Variants in XXYLT1 observed in about 807,000 individuals in gnomAD.
XXYLT1 encodes xyloside xylosyltransferase 1.
In XXYLT1, 20 loss-of-function variants were observed where a neutral mutation model predicts 28.9. That is an observed-to-expected ratio of 0.69 (90% CI 0.49 to 1.00). The LOEUF is 1.00. Ranked by LOEUF, XXYLT1 falls within the 50% of genes least tolerant of loss-of-function variation. XXYLT1 has a pLI of 0.00. For synonymous variants in XXYLT1, 257 were observed against 253.8 expected (o/e 1.01, Z -0.12); for missense variants, 542 against 560.1 (o/e 0.97, Z 0.33).
chr3:195,110,264 G>GT lies in XXYLT1; in HGVS notation c.786-40154_786-40153insA, dbSNP rs1443135060. Reference sequence around the variant, plus strand: ...TGCGTGTGTGGGTGAAGTGTGTGTGGGTGTGTGGTGTGTGTGGGGTGTATG... The same window carrying GT: ...TGCGTGTGTGGGTGAAGTGTGTGTGGTGTGTGTGGTGTGTGTGGGGTGTATG... On this transcript the variant is annotated intron_variant, in intron 3 of 3. Coordinates refer to ENST00000310380, the MANE Select transcript of XXYLT1 (RefSeq NM_152531.5). Among the ~76,000 whole-genome samples, 3 of 2,240 alleles carry GT rather than the reference G, an allele frequency of 1.3e-3. 1 individual carries two copies. Among genetic ancestry groups the GT allele is most frequent in the African/African-American group, 3.7e-3 (3 of 806 alleles). 1.5% of individuals were successfully genotyped at this position (2,240 alleles called of 152,430 possible). A position where few individuals can be genotyped will look rare whatever the true frequency, so the allele number is the denominator to read the frequency against.
chr3:195,089,134 T>C (rs1412551875), intron 3 of XXYLT1, among the ~76,000 whole-genome samples: 1 of 150,116 alleles, frequency 6.7e-6, no homozygotes, highest in Non-Finnish European at 1.5e-5. Context: ...TTCCCCAATC[T>C]AGCAAGGCAG....
At chr3:195,127,375 C>T (rs186669048) in intron 3 of XXYLT1, among the ~76,000 whole-genome samples, 79 of 152,270 alleles carry the variant, frequency 5.2e-4, no homozygotes, top group African/African-American at 1.9e-3. Context: ...GTGCTGGAAT[C>T]AAAATTTTAA....
intron 3 of XXYLT1, among the ~76,000 whole-genome samples, chr3:195,145,217 C>T (rs1054014620): frequency 2.6e-5 from 4 of 152,232 alleles, no homozygotes; most frequent in Middle Eastern, 3.4e-3. Context: ...AGAGAAGCAG[C>T]GGGCTTGTTT....
rs1721873006 is a variant in XXYLT1 at position 195,180,050 on chromosome 3, G to A, written c.653-23469C>T. On this transcript the variant is annotated intron_variant, in intron 2 of 3. Transcript: ENST00000310380. The surrounding 1 kb of genome is among the most constrained non-coding windows in gnomAD (Gnocchi z 5.8). ...GGCCAGGGTGCGGCTGAGTGACGGA[G>A]CGCCTGGTGAGGGACAGAAGAATCT... 6.6e-6 allele frequency among the ~76,000 whole-genome samples: 1 copy of A among 152,198 alleles called. No individual in the cohort carries two copies. Among genetic ancestry groups the A allele is most frequent in the Non-Finnish European group, 1.5e-5 (1 of 68,044 alleles).
intron 3 of XXYLT1, among the ~76,000 whole-genome samples, chr3:195,074,650 G>A (rs975049678): frequency 3.9e-5 from 6 of 152,194 alleles, no homozygotes; most frequent in Admixed American, 6.5e-5. Context: ...GACACCCTGC[G>A]CCCTGGCTGG....
At chr3:195,143,784 TTATA>T (rs3073320) in intron 3 of XXYLT1, among the ~76,000 whole-genome samples, 1 of 113,956 alleles carries the variant, frequency 8.8e-6, no homozygotes, top group African/African-American at 3.7e-5. Flanking sequence ...TGTTCTCTCA[TTATA>T]TATATATATA....
rs749243013 is a variant in XXYLT1, at chr3:195,069,747, C to T, written c.1150G>A (p.Gly384Arg). Residue 384 changes from glycine to arginine, a missense_variant, in exon 4 of 4, where the codon GGG becomes AGG. Gly to Arg is a moderately radical substitution (Grantham distance 125, BLOSUM62 -2). Coordinates refer to ENST00000310380, the MANE Select transcript of XXYLT1 (RefSeq NM_152531.5). The stretch of plus-strand genomic sequence containing the variant: ...TCCGGGATGGGAGTGTTGCAGTTCC[C>T]GTGGTAGATCTTGACGTGGCCCTCA... Reference protein sequence around the residue: ...RCEGHVKIYHGNCNTPIPED With the variant: ...RCEGHVKIYHRNCNTPIPED The T allele has an allele frequency of 7.2e-5, 116 of 1,613,658 alleles. No individual in the cohort carries two copies. The highest frequency in any genetic ancestry group is 4.9e-4 in the East Asian group (22 of 44,894).
At chr3:195,081,387 C>CCG (rs1254768600) in intron 3 of XXYLT1, among the ~76,000 whole-genome samples, 1 of 152,122 alleles carries the variant, frequency 6.6e-6, no homozygotes, top group Non-Finnish European at 1.5e-5. Context: ...TGAGCAGGGC[C>CCG]CGGGGACAGG....
intron 3 of XXYLT1, among the ~76,000 whole-genome samples, chr3:195,106,487 T>TA (rs1294151523): frequency 3.9e-5 from 6 of 152,222 alleles, no homozygotes; most frequent in African/African-American, 1.4e-4. Context: ...CGGCGGTGTC[T>TA]ACGCCGGGCT....
chr3:195,144,411 C>A (rs1719722407), intron 3 of XXYLT1, among the ~76,000 whole-genome samples: 3 of 151,994 alleles, frequency 2.0e-5, no homozygotes, highest in Admixed American at 2.0e-4. Context: ...CAGTCTTGCC[C>A]TATCGCCCAG....
intron 3 of XXYLT1, among the ~76,000 whole-genome samples, chr3:195,079,170 G>A (rs1041703883): frequency 4.6e-5 from 7 of 152,198 alleles, no homozygotes; most frequent in Non-Finnish European, 7.3e-5. Flanking sequence ...AAGCTGTAGA[G>A]GGCAAGGACT....
intron 3 of XXYLT1, among the ~76,000 whole-genome samples, chr3:195,137,720 G>A (rs1251848523): frequency 6.6e-6 from 1 of 152,338 alleles, no homozygotes; most frequent in East Asian, 1.9e-4. Flanking sequence ...ACGGAGAAAG[G>A]GAGAGGGCTC....
At chr3:195,143,859 TATATAGATATAG>T (rs1308747446) in intron 3 of XXYLT1, among the ~76,000 whole-genome samples, 2,437 of 100,490 alleles carry the variant, frequency 0.024, 123 homozygotes, top group East Asian at 0.09. Flanking sequence ...TATATAGATA[TATATAGATATAG>T]ATATATATAT....
rs143209830 is a variant in XXYLT1 at position 195,180,384 on chromosome 3, GAC to G, written c.653-23805_653-23804del. ...TCCCCCTGGCCCGCCTGGCCCTCAA[GAC>G]ACACTTCCTTCGGCTGCAGCCTCGC... On this transcript the variant is annotated intron_variant, in intron 2 of 3. Coordinates refer to ENST00000310380, the MANE Select transcript of XXYLT1 (RefSeq NM_152531.5). The surrounding 1 kb of genome is among the most constrained non-coding windows in gnomAD (Gnocchi z 5.8). 4.7e-3 allele frequency: 4,643 copies of G among 985,580 alleles called. 151 individuals are homozygous for G. In the African/African-American group the frequency reaches 0.076, roughly 16 times the overall value. The allele number at this position is 985,580 out of a possible 1,614,324, so 61.1% of individuals were successfully genotyped here.
At chr3:195,254,676 G>T (rs942354174) in intron 1 of XXYLT1, among the ~76,000 whole-genome samples, 2 of 152,210 alleles carry the variant, frequency 1.3e-5, no homozygotes, top group African/African-American at 2.4e-5. Context: ...AGGACCATGA[G>T]GTGGCATGCT....
chr3:195,194,886 G>A (rs1421122047), intron 2 of XXYLT1, among the ~76,000 whole-genome samples: 1 of 152,202 alleles, frequency 6.6e-6, no homozygotes, highest in Admixed American at 6.5e-5. Flanking sequence ...AAGCAGATCA[G>A]TGATTGCCCA....
intron 1 of XXYLT1, among the ~76,000 whole-genome samples, chr3:195,260,417 GC>G (rs1208555259): frequency 6.6e-6 from 1 of 152,194 alleles, no homozygotes; most frequent in Non-Finnish European, 1.5e-5. Flanking sequence ...CTGCACCGGA[GC>G]CCCCATCCGG....
chr3:195,247,466 GC>G (rs1725074455), intron 1 of XXYLT1, among the ~76,000 whole-genome samples: 1 of 152,254 alleles, frequency 6.6e-6, no homozygotes, highest in African/African-American at 2.4e-5. Flanking sequence ...GGTGGCCTGG[GC>G]CGGGAGGCTC....
At position 195,256,559 on chromosome 3, in the gene XXYLT1, C is replaced by T. The variant is rs1190545152; in HGVS notation, c.504+13996G>A. On this transcript the variant is annotated intron_variant, in intron 1 of 3. Transcript: ENST00000310380. The surrounding 1 kb of genome is among the most constrained non-coding windows in gnomAD (Gnocchi z 4.2). ...AGAGGGGAAGAGCAGCCTCCTCACA[C>T]CCCGCAACTTCTCACCCGCACATTC... The T allele has an allele frequency of 2.0e-6, 2 of 985,320 alleles. No individual in the cohort carries two copies. Among genetic ancestry groups the T allele is most frequent in the Non-Finnish European group, 2.4e-6 (2 of 829,938 alleles). The allele number at this position is 985,320 out of a possible 1,614,324, so 61.0% of individuals were successfully genotyped here.
Sources: gnomAD v4.1 joint callset for allele counts (sites outside exome capture counted in the v4.1 genomes callset) on GRCh38, gnomAD v4.1.1 for gene constraint, Gnocchi (gnomAD v3.1) non-coding constraint, MANE v1.5 for transcripts, NCBI Gene and HGNC (gene_info 2026-07-23, HGNC 2026-07-21) for gene names.